The following ZNF699 variants were observed in gnomAD, a reference collection of about 807,000 sequenced individuals.
ZNF699 encodes the protein hangover homolog.
In ZNF699, 18 loss-of-function variants were observed where a neutral mutation model predicts 22.5. The observed-to-expected ratio is 0.80, with a 90% confidence interval of 0.55 to 1.19. The LOEUF is 1.19. Ranked by LOEUF, ZNF699 falls within the 50% of genes most tolerant of loss-of-function variation. The pLI is 0.00. For synonymous variants in ZNF699, 241 were observed against 262.3 expected, an observed-to-expected ratio of 0.92 and a Z score of 0.78; for missense variants, 670 against 763.4, an observed-to-expected ratio of 0.88 and a Z score of 1.44.
At chr19:9,298,328 C>T (rs1001250650) in intron 3 of ZNF699, among the ~76,000 whole-genome samples, 9 of 151,922 alleles carry the variant, frequency 5.9e-5, no homozygotes, top group African/African-American at 2.2e-4. Context: ...CACCTGTAAT[C>T]CAAGCTAGTC....
intron 2 of ZNF699, among the ~76,000 whole-genome samples, chr19:9,304,241 A>G (rs970394623): frequency 6.6e-6 from 1 of 152,188 alleles, no homozygotes; most frequent in Non-Finnish European, 1.5e-5. Flanking sequence ...TAATTTCCAC[A>G]TTGACATCAT....
Position 9,293,507 on chromosome 19 carries a change from T to C in ZNF699, c.*1968A>G, listed in dbSNP as rs2066273754. ...GAACAATTAAAAGTCAAACCACACA[T>C]TATGTTGAGCAAAAGAAGTCAAAAC... On this transcript the variant is annotated 3_prime_UTR_variant, in exon 6 of 6. Transcript: ENST00000591998. Among the ~76,000 whole-genome samples the C allele has an allele frequency of 6.6e-6, 1 of 152,142 alleles. No individual in the cohort carries two copies. The highest frequency in any genetic ancestry group is 2.4e-5 in the African/African-American group (1 of 41,420).
intron 3 of ZNF699, among the ~76,000 whole-genome samples, chr19:9,299,862 G>A (rs1351892052): frequency 2.5e-5 from 3 of 121,884 alleles, no homozygotes; most frequent in Non-Finnish European, 5.8e-5. Context: ...ACTCAACAAT[G>A]TTTAAAAAAA....
rs567410266 is a variant in ZNF699 at position 9,309,535 on chromosome 19, C to G, written c.-191G>C. On this transcript the variant is annotated 5_prime_UTR_variant, in exon 1 of 6. Coordinates refer to ENST00000591998, the MANE Select transcript of ZNF699 (RefSeq NM_198535.3). ...ATCAGAATCACCCCGATTTCTGTACCCAGACCAGAGTTCCCGATTCAGTGA... is the reference window on the plus strand; with the variant it reads ...ATCAGAATCACCCCGATTTCTGTACGCAGACCAGAGTTCCCGATTCAGTGA... 1.2e-4 allele frequency: 18 copies of G among 152,414 alleles called. No individual in the cohort carries two copies. In the East Asian group the frequency reaches 3.1e-3, roughly 26 times the overall value. The allele number at this position is 152,414 out of a possible 1,614,324, so 9.4% of individuals were successfully genotyped here. A position where few individuals can be genotyped will look rare whatever the true frequency, so the allele number is the denominator to read the frequency against.
chr19:9,296,401 A>G lies in ZNF699; in HGVS notation c.1003T>C (p.Tyr335His). Residue 335 changes from tyrosine to histidine, a missense_variant, in exon 6 of 6, where the codon TAT becomes CAT. Physicochemically the swap from Tyr to His is moderately conservative, Grantham distance 83. Transcript: ENST00000591998. ...HKRIHSGDKP[Y>H]ECKECGKAFS... The stretch of plus-strand genomic sequence containing the variant: ...GCCTTCCCACATTCCTTACATTCAT[A>G]TGGCTTATCTCCACTGTGAATTCTT... The G allele has an allele frequency of 6.2e-7, 1 of 1,614,076 alleles. No homozygotes were observed. The highest frequency in any genetic ancestry group is 8.5e-7 in the Non-Finnish European group (1 of 1,179,978).
At chr19:9,305,249 A>C (rs1568347089) in intron 1 of ZNF699, 125 bp from the exon 2 acceptor site, 7 of 695,580 alleles carry the variant, frequency 1.0e-5, no homozygotes, top group Admixed American at 4.8e-5. Flanking sequence ...ATAAGTAACA[A>C]CTCCCCTCAA....
rs2066265237 is a variant in ZNF699 at position 9,291,427 on chromosome 19, AT to A, written c.*4047del. 1 of 152,236 alleles carries A rather than the reference AT, an allele frequency of 6.6e-6. No homozygotes were observed. Among genetic ancestry groups the A allele is most frequent in the African/African-American group, 2.4e-5 (1 of 41,460 alleles). 9.4% of individuals were successfully genotyped at this position (152,236 alleles called of 1,614,324 possible). A position where few individuals can be genotyped will look rare whatever the true frequency, so the allele number is the denominator to read the frequency against. Reference sequence around the variant, plus strand: ...GCAACATAAATTAAGATAGTATGGTATTGATGCAAGAAAAGACAAATGAACC... The same window carrying A: ...GCAACATAAATTAAGATAGTATGGTATGATGCAAGAAAAGACAAATGAACC... On this transcript the variant is annotated 3_prime_UTR_variant, in exon 6 of 6. Transcript: ENST00000591998.
chr19:9,293,837 G>A lies in ZNF699; in HGVS notation c.*1638C>T, dbSNP rs2066275033. On this transcript the variant is annotated 3_prime_UTR_variant, in exon 6 of 6. Transcript: ENST00000591998. ...TACTTTTAAAGAGAAAATATAATAG[G>A]AGGGAAATATCACAGTAGTAGATTA... Among the ~76,000 whole-genome samples the A allele has an allele frequency of 6.6e-6, 1 of 151,834 alleles. No individual in the cohort carries two copies. The highest frequency in any genetic ancestry group is 1.5e-5 in the Non-Finnish European group (1 of 67,976).
intron 2 of ZNF699, among the ~76,000 whole-genome samples, chr19:9,302,952 C>G (rs2066313331): frequency 6.6e-6 from 1 of 151,990 alleles, no homozygotes; most frequent in African/African-American, 2.4e-5. Flanking sequence ...ATTGCTTGAG[C>G]CACAAGGTTG....
At chr19:9,306,987 G>A (rs958876564) in intron 1 of ZNF699, among the ~76,000 whole-genome samples, 2 of 152,178 alleles carry the variant, frequency 1.3e-5, no homozygotes, top group Non-Finnish European at 2.9e-5. Context: ...AATCACATGA[G>A]GTCAGGAGTT....
intron 1 of ZNF699, among the ~76,000 whole-genome samples, chr19:9,306,159 C>T (rs556058949): frequency 4.2e-4 from 64 of 151,890 alleles, no homozygotes; most frequent in African/African-American, 1.2e-3. Flanking sequence ...TTTGGGAGGC[C>T]GAGGTGGATG....
In ZNF699 at chr19:9,297,048, C is replaced by T. The variant is rs867983438; in HGVS notation, c.471-115G>A. ...CTGAAAGTTTTCACAGAGGGCTCTA[C>T]GACAGCCAATACTGTCACTGAGTTA... On this transcript the variant is annotated intron_variant, in intron 5 of 5. Transcript: ENST00000591998. This position sits in a 1 kb window ranked among gnomAD's most constrained non-coding sequence, Gnocchi z 4.3. 51 of 939,536 alleles carry T rather than the reference C, an allele frequency of 5.4e-5. No individual in the cohort carries two copies. Among genetic ancestry groups the T allele is most frequent in the African/African-American group, 1.0e-4 (6 of 59,828 alleles). 58.2% of individuals were successfully genotyped at this position (939,536 alleles called of 1,614,324 possible).
chr19:9,300,413 C>A (rs2066303152), intron 3 of ZNF699, among the ~76,000 whole-genome samples: 1 of 152,114 alleles, frequency 6.6e-6, no homozygotes, highest in East Asian at 1.9e-4. Context: ...ATCCTCTTAC[C>A]ATAAAATCCA....
In ZNF699 at chr19:9,306,663, A is replaced by T. The variant is rs2066328952; in HGVS notation, c.-5-1539T>A. Among the ~76,000 whole-genome samples the T allele has an allele frequency of 3.3e-5, 5 of 152,388 alleles. No individual in the cohort carries two copies. The South Asian group carries it at 1.0e-3, about 32-fold the overall frequency. ...GCTCTGCAAATCAAATATTATTACA[A>T]CCAGTTTAGAATTATCTTAGAATGA... is the stretch of plus-strand genomic sequence containing the variant. On this transcript the variant is annotated intron_variant, in intron 1 of 5. Coordinates refer to ENST00000591998, the MANE Select transcript of ZNF699 (RefSeq NM_198535.3).
chr19:9,306,914 A>G (rs545460576), intron 1 of ZNF699, among the ~76,000 whole-genome samples: 1 of 152,366 alleles, frequency 6.6e-6, no homozygotes, highest in South Asian at 2.1e-4. Context: ...ATTCTAATCA[A>G]ATATGCTGTG....
chr19:9,298,126 A>T (rs1255602394), intron 3 of ZNF699, 136 bp from the exon 4 acceptor site: 2 of 565,376 alleles, frequency 3.5e-6, no homozygotes, highest in Admixed American at 3.2e-5. Context: ...CAAAATGTCA[A>T]ATTTATTTAT....
intron 1 of ZNF699, among the ~76,000 whole-genome samples, chr19:9,307,007 C>T (rs769585931): frequency 3.6e-4 from 55 of 152,158 alleles, no homozygotes; most frequent in Non-Finnish European, 6.0e-4. Context: ...TCAAGACCAG[C>T]CTGGCCAAAA....
Position 9,297,259 on chromosome 19 carries a change from C to A in ZNF699, c.470+37G>T. On this transcript the variant is annotated intron_variant, in intron 5 of 5. Coordinates refer to ENST00000591998, the MANE Select transcript of ZNF699 (RefSeq NM_198535.3). This position sits in a 1 kb window ranked among gnomAD's most constrained non-coding sequence, Gnocchi z 4.3. ...CATGACTTTAATTTTAAGATTCTCTCCTGAGGCACTTTCTCTTTCTCACGA... is the reference window on the plus strand; with the variant it reads ...CATGACTTTAATTTTAAGATTCTCTACTGAGGCACTTTCTCTTTCTCACGA... 1 of 1,545,370 alleles carries A rather than the reference C, an allele frequency of 6.5e-7. No homozygotes were observed. The highest frequency in any genetic ancestry group is 8.7e-7 in the Non-Finnish European group (1 of 1,153,230).
At chr19:9,298,885 C>T (rs1297820559) in intron 3 of ZNF699, among the ~76,000 whole-genome samples, 2 of 152,218 alleles carry the variant, frequency 1.3e-5, no homozygotes, top group Admixed American at 6.5e-5. Context: ...CACACCAATA[C>T]AGTCAGCTGA....
Sources: gnomAD v4.1 joint callset for allele counts (sites outside exome capture counted in the v4.1 genomes callset) on GRCh38, gnomAD v4.1.1 for gene constraint, Gnocchi (gnomAD v3.1) non-coding constraint, MANE v1.5 for transcripts, NCBI Gene and HGNC (gene_info 2026-07-23, HGNC 2026-07-21) for gene names.